The following PARD3 variants were observed in gnomAD, a reference collection of about 807,000 sequenced individuals.
PARD3 encodes the protein partitioning defective 3 homolog.
In PARD3, 75 loss-of-function variants were observed where a neutral mutation model predicts 155.4. That is an observed-to-expected ratio of 0.48 (90% confidence interval 0.40 to 0.58). The LOEUF (loss-of-function observed/expected upper bound fraction) is 0.58, where lower values mean the gene tolerates loss of function less well. Ranked by LOEUF, PARD3 falls within the 20% of genes least tolerant of loss-of-function variation. The pLI, the probability that PARD3 is intolerant of heterozygous loss-of-function variation, is 0.00. For missense variants in PARD3, 1,642 were observed against 1,721.7 expected (o/e 0.95, Z 0.82); for synonymous variants, 576 against 610.5 (o/e 0.94, Z 0.83).
At chr10:34,146,705 G>C (rs1249327669) in intron 22 of PARD3, among the ~76,000 whole-genome samples, 1 of 152,054 alleles carries the variant, frequency 6.6e-6, no homozygotes, top group African/African-American at 2.4e-5. Context: ...TTCACTCTTC[G>C]TTCTCCTGCT....
chr10:34,737,752 G>A (rs1372629654), intron 1 of PARD3, among the ~76,000 whole-genome samples: 2 of 152,164 alleles, frequency 1.3e-5, no homozygotes, highest in East Asian at 1.9e-4. Flanking sequence ...CTTCAGAGCC[G>A]TGAGAAATAA....
chr10:34,573,733 AAAAAC>A (rs1564367820), intron 2 of PARD3, among the ~76,000 whole-genome samples: 8,142 of 117,978 alleles, frequency 0.069, 235 homozygotes, highest in East Asian at 0.15. Context: ...ACAAACAAAC[AAAAAC>A]ACACACACAC....
intron 2 of PARD3, among the ~76,000 whole-genome samples, chr10:34,542,865 T>G (rs2083747092): frequency 6.6e-6 from 1 of 152,220 alleles, no homozygotes; most frequent in Non-Finnish European, 1.5e-5. Context: ...ATCTACATAT[T>G]GTGAATAAAT....
intron 5 of PARD3, among the ~76,000 whole-genome samples, chr10:34,446,635 G>A (rs546533934): frequency 2.6e-5 from 4 of 152,238 alleles, no homozygotes; most frequent in South Asian, 4.1e-4. Context: ...TTAAAAATCC[G>A]AATTATGTTG....
At chr10:34,784,073 T>C (rs1478752505) in intron 1 of PARD3, among the ~76,000 whole-genome samples, 2 of 152,152 alleles carry the variant, frequency 1.3e-5, no homozygotes, top group East Asian at 1.9e-4. Flanking sequence ...TAGCCAGGCA[T>C]GGTGATACAC....
chr10:34,316,965 G>T, intron 20 of PARD3, 142 bp downstream of exon 20: 1 of 572,242 alleles, frequency 1.7e-6, no homozygotes. Context: ...GGAATCCTGG[G>T]CTCCAGCATT....
intron 14 of PARD3, among the ~76,000 whole-genome samples, chr10:34,349,475 C>G (rs1169341832): frequency 1.4e-5 from 2 of 147,704 alleles, no homozygotes; most frequent in Non-Finnish European, 3.0e-5. Context: ...CAACTGACAG[C>G]TTTACTGAAA....
chr10:34,782,571 G>A (rs1412984898), intron 1 of PARD3, among the ~76,000 whole-genome samples: 1 of 152,122 alleles, frequency 6.6e-6, no homozygotes, highest in East Asian at 1.9e-4. Context: ...CTGATCGAAA[G>A]ACTTAACAGT....
intron 2 of PARD3, among the ~76,000 whole-genome samples, chr10:34,612,516 G>A (rs1402290551): frequency 2.0e-5 from 3 of 152,152 alleles, no homozygotes; most frequent in Non-Finnish European, 4.4e-5. Context: ...GATGACAATC[G>A]TGTGAGAGGC....
chr10:34,152,446 T>C (rs533423966), intron 22 of PARD3, among the ~76,000 whole-genome samples: 1 of 152,336 alleles, frequency 6.6e-6, no homozygotes, highest in East Asian at 1.9e-4. Flanking sequence ...TGGAACATAA[T>C]GGTATTTGTG....
intron 1 of PARD3, among the ~76,000 whole-genome samples, chr10:34,810,289 C>T (rs1843965178): frequency 6.6e-6 from 1 of 152,104 alleles, no homozygotes; most frequent in South Asian, 2.1e-4. Context: ...ACGTAGGAAA[C>T]ATAAATTCTA....
At chr10:34,213,726 G>A (rs1375463870) in intron 22 of PARD3, among the ~76,000 whole-genome samples, 1 of 152,144 alleles carries the variant, frequency 6.6e-6, no homozygotes, top group Non-Finnish European at 1.5e-5. Context: ...TAAAGGCAAG[G>A]TAAAACCACT....
intron 2 of PARD3, among the ~76,000 whole-genome samples, chr10:34,649,025 T>C (rs1206596441): frequency 6.6e-6 from 1 of 152,176 alleles, no homozygotes; most frequent in African/African-American, 2.4e-5. Flanking sequence ...GGGAGATTCC[T>C]GAACTTTGAT....
chr10:34,689,109 T>TAG (rs1379696410), intron 2 of PARD3, among the ~76,000 whole-genome samples: 1 of 152,230 alleles, frequency 6.6e-6, no homozygotes, highest in African/African-American at 2.4e-5. Context: ...GACATTATTT[T>TAG]AGATACATGT....
chr10:34,691,981 C>G (rs2094070888), intron 2 of PARD3, among the ~76,000 whole-genome samples: 2 of 152,190 alleles, frequency 1.3e-5, no homozygotes, highest in South Asian at 4.1e-4. Flanking sequence ...GCCTGTAATC[C>G]CAGTACTTTG....
chr10:34,399,419 A>T lies in PARD3; in HGVS notation c.807-6T>A. On this transcript the variant is annotated splice_polypyrimidine_tract_variant and splice_region_variant and intron_variant, in intron 6 of 24. Transcript: ENST00000374788. ...CTACGAGCTTTACCATATCACTGTG[A>T]GACAATGATGAATGAGGGAGCATGA... 2.5e-6 allele frequency: 4 copies of T among 1,587,234 alleles called. No homozygotes were observed. The highest frequency in any genetic ancestry group is 3.5e-6 in the Non-Finnish European group (4 of 1,155,644).
intron 3 of PARD3, among the ~76,000 whole-genome samples, chr10:34,516,212 A>C (rs984790835): frequency 7.2e-5 from 11 of 152,056 alleles, no homozygotes; most frequent in African/African-American, 2.7e-4. Flanking sequence ...TGATCCGCCC[A>C]CCTCAGCCTC....
chr10:34,788,953 C>T (rs1841313939), intron 1 of PARD3, among the ~76,000 whole-genome samples: 1 of 152,146 alleles, frequency 6.6e-6, no homozygotes, highest in Admixed American at 6.5e-5. Flanking sequence ...AACTGAGGGC[C>T]TTGAAATGTT....
At chr10:34,720,386 G>A (rs1298860123) in intron 1 of PARD3, among the ~76,000 whole-genome samples, 2 of 144,880 alleles carry the variant, frequency 1.4e-5, no homozygotes, top group African/African-American at 5.2e-5. Context: ...AGGAGGTAGA[G>A]GTTGCAGTGA....
Sources: allele counts gnomAD v4.1 joint callset (sites outside exome capture counted in the v4.1 genomes callset), GRCh38; gene constraint gnomAD v4.1.1; transcripts MANE v1.5; gene names NCBI Gene and HGNC (gene_info 2026-07-23, HGNC 2026-07-21).